The following COL4A4 variants were observed in gnomAD, a reference collection of about 807,000 sequenced individuals.
COL4A4 encodes collagen type IV alpha 4 chain.
COL4A4 carries 105 observed loss-of-function variants against 192.9 expected under a neutral mutation model. The observed-to-expected ratio is 0.54, with a 90% confidence interval of 0.46 to 0.64. The LOEUF is 0.64. Ranked by LOEUF, COL4A4 falls within the 30% of genes least tolerant of loss-of-function variation. The pLI, the probability that COL4A4 is intolerant of heterozygous loss-of-function variation, is 0.00. For missense variants in COL4A4, 1,967 were observed against 2,169.3 expected (o/e 0.91, Z 1.85); for synonymous variants, 762 against 769.9 (o/e 0.99, Z 0.17).
At chr2:227,108,778 T>A (rs774887165) in intron 11 of COL4A4, 55 bp downstream of exon 11, 2 of 1,571,520 alleles carry the variant, frequency 1.3e-6, no homozygotes, top group African/African-American at 2.7e-5. Flanking sequence ...ATATCAGTGG[T>A]CAACCATTTC....
chr2:227,061,288 T>C (rs1468834765), intron 26 of COL4A4, among the ~76,000 whole-genome samples: 1 of 152,234 alleles, frequency 6.6e-6, no homozygotes, highest in Admixed American at 6.5e-5. Flanking sequence ...ACTCTTGCCA[T>C]TGCCTTGTGG....
intron 25 of COL4A4, among the ~76,000 whole-genome samples, chr2:227,066,787 A>G (rs2058368561): frequency 6.6e-6 from 1 of 151,976 alleles, no homozygotes; most frequent in South Asian, 2.1e-4. Context: ...GACCATCGAG[A>G]CTAGGAAGAA....
chr2:227,139,115 T>A (rs1388012538), intron 4 of COL4A4, among the ~76,000 whole-genome samples: 1 of 152,134 alleles, frequency 6.6e-6, no homozygotes, highest in African/African-American at 2.4e-5. Context: ...ACTCTTTCTC[T>A]CCACCATATG....
intron 37 of COL4A4, among the ~76,000 whole-genome samples, chr2:227,040,116 G>A (rs1030695173): frequency 3.3e-5 from 5 of 152,296 alleles, no homozygotes; most frequent in Admixed American, 6.5e-5. Flanking sequence ...TGGGAAAATC[G>A]TATTTGAATT....
chr2:227,019,330 G>A (rs144749618), intron 44 of COL4A4, among the ~76,000 whole-genome samples: 4 of 152,332 alleles, frequency 2.6e-5, no homozygotes, highest in African/African-American at 9.6e-5. Context: ...ATTTGAATAT[G>A]TATGCAACTA....
chr2:227,121,032 T>A lies in COL4A4; in HGVS notation c.309A>T (p.Ala103=). ...MRGDRGPPGA[A]GDKGDKGPTG... Reference sequence around the variant, plus strand: ...GGCTTACCTTATCTCCTTTGTCCCCTGCTGCTCCAGGAGGGCCGCGGTCCC... The same window carrying A: ...GGCTTACCTTATCTCCTTTGTCCCCAGCTGCTCCAGGAGGGCCGCGGTCCC... Residue 103 remains alanine (A), a synonymous_variant, in exon 5 of 48, where the codon GCA becomes GCT. Transcript: ENST00000396625. The A allele has an allele frequency of 1.2e-6, 2 of 1,614,148 alleles. No homozygotes were observed. The highest frequency in any genetic ancestry group is 1.7e-6 in the Non-Finnish European group (2 of 1,180,012).
At chr2:226,998,012 C>G (rs994542642), downstream of COL4A4, 2 of 152,142 alleles carry the variant, frequency 1.3e-5, no homozygotes, top group Non-Finnish European at 2.9e-5. Context: ...CTAATTATCT[C>G]TAGTAGGGAA....
chr2:227,073,118 C>T (rs1032049576), intron 25 of COL4A4, among the ~76,000 whole-genome samples: 11 of 151,822 alleles, frequency 7.2e-5, no homozygotes, highest in South Asian at 2.1e-4. Flanking sequence ...CACTGTTTGC[C>T]GATAATATGA....
intron 9 of COL4A4, among the ~76,000 whole-genome samples, chr2:227,111,080 A>T (rs890264436): frequency 1.6e-4 from 24 of 152,362 alleles, no homozygotes; most frequent in Non-Finnish European, 1.3e-4. Context: ...GTGCCCCTAC[A>T]GAAAACAAAA....
the COL4A4 span, among the ~76,000 whole-genome samples, chr2:226,970,139 G>A: frequency 4.6e-5 from 7 of 151,778 alleles, no homozygotes; most frequent in African/African-American, 1.7e-4. Context: ...AAAATCACAT[G>A]GCCTCCTAGG....
intron 25 of COL4A4, among the ~76,000 whole-genome samples, chr2:227,063,796 T>A (rs1031758342): frequency 3.3e-5 from 5 of 151,856 alleles, no homozygotes; most frequent in Non-Finnish European, 7.4e-5. Context: ...CAAAAGACTA[T>A]AAAAATAATT....
At chr2:227,045,889 TATATTTA>T in intron 35 of COL4A4, among the ~76,000 whole-genome samples, 1 of 107,882 alleles carries the variant, frequency 9.3e-6, no homozygotes, top group African/African-American at 3.4e-5. Flanking sequence ...TATATGTATA[TATATTTA>T]GATAGTATAT....
Position 227,131,140 on chromosome 2 carries a change from CTTT to C in COL4A4, c.192+9018_192+9020del, listed in dbSNP as rs111295986. Reference sequence around the variant, plus strand: ...CTTATTATGCAGGAAAATCTGTCTGCTTTTTTTTTTTTTTCTTTCTTTCTTTTT... The same window carrying C: ...CTTATTATGCAGGAAAATCTGTCTGCTTTTTTTTTTTCTTTCTTTCTTTTT... On this transcript the variant is annotated intron_variant, in intron 4 of 47. Transcript: ENST00000396625. Among the ~76,000 whole-genome samples the C allele has an allele frequency of 4.9e-5, 7 of 144,306 alleles. No individual in the cohort carries two copies. In the East Asian group the frequency reaches 1.2e-3, roughly 25 times the overall value. 94.7% of individuals were successfully genotyped at this position (144,306 alleles called of 152,430 possible).
chr2:226,970,434 C>T, the COL4A4 span, among the ~76,000 whole-genome samples: 1 of 152,128 alleles, frequency 6.6e-6, no homozygotes, highest in South Asian at 2.1e-4. Flanking sequence ...ATATGAGTCT[C>T]ATGATATGGA....
chr2:227,118,831 A>G, intron 6 of COL4A4, 70 bp from the exon 7 acceptor site: 1 of 951,452 alleles, frequency 1.1e-6, no homozygotes, highest in African/African-American at 1.6e-5. Flanking sequence ...ATGCAATATG[A>G]ATACTCAAAT....
Position 227,118,727 on chromosome 2 carries a change from G to C in COL4A4, c.407C>G (p.Pro136Arg). The change falls in exon 7 of 48, where the codon CCT (proline) becomes CGT (arginine). Residue 136 changes from proline (P) to arginine (R), a missense_variant. Coordinates refer to ENST00000396625, the MANE Select transcript of COL4A4 (RefSeq NM_000092.5). ...HPGPPGPRGK[P>R]GMSGHNGSRG... ...TGAGCCATTGTGGCCACTCATACCA[G>C]GTTTGCCTCTGGGTCCAGGAGGCCC... is the stretch of plus-strand genomic sequence containing the variant. 1 of 1,613,918 alleles carries C rather than the reference G, an allele frequency of 6.2e-7. No homozygotes were observed. Among genetic ancestry groups the C allele is most frequent in the Non-Finnish European group, 8.5e-7 (1 of 1,180,012 alleles).
In COL4A4 at chr2:227,010,374, G is replaced by A; in HGVS notation, c.4461C>T (p.Leu1487=). 1 of 1,614,212 alleles carries A rather than the reference G, an allele frequency of 6.2e-7. No homozygotes were observed. The highest frequency in any genetic ancestry group is 8.5e-7 in the Non-Finnish European group (1 of 1,180,026). Reference sequence around the variant, plus strand: ...GGTATAACAGACTATACCCAGTCCAGAGCCTGGGCATGCCCAGGGGGCAGG... The same window carrying A: ...GGTATAACAGACTATACCCAGTCCAAAGCCTGGGCATGCCCAGGGGGCAGG... ...EPTCPLGMPR[L]WTGYSLLYLE... is the part of the protein sequence containing the mutation. The change falls in exon 46 of 48, where the codon CTC becomes CTT. Residue 1487 remains leucine, a synonymous_variant. Coordinates refer to ENST00000396625, the MANE Select transcript of COL4A4 (RefSeq NM_000092.5).
chr2:227,078,678 T>C (rs920892899), intron 24 of COL4A4, among the ~76,000 whole-genome samples: 2 of 152,214 alleles, frequency 1.3e-5, no homozygotes, highest in African/African-American at 2.4e-5. Flanking sequence ...TCATATGTCA[T>C]AGAATATAGA....
chr2:227,144,612 C>G (rs995691282), intron 2 of COL4A4, 54 bp from the exon 3 acceptor site: 3 of 1,406,176 alleles, frequency 2.1e-6, no homozygotes, highest in Non-Finnish European at 2.0e-6. Flanking sequence ...TCATGTGAAA[C>G]AAAAAGAAAA....
Sources: gnomAD v4.1 joint callset for allele counts (sites outside exome capture counted in the v4.1 genomes callset) on GRCh38, gnomAD v4.1.1 for gene constraint, MANE v1.5 for transcripts, NCBI Gene and HGNC (gene_info 2026-07-23, HGNC 2026-07-21) for gene names.